Variants in PXYLP1 observed in about 807,000 individuals in gnomAD.
The protein encoded by PXYLP1 is 2-phosphoxylose phosphatase 1.
PXYLP1 carries 17 observed loss-of-function variants against 37.9 expected under a neutral mutation model. The observed-to-expected ratio is 0.45, with a 90% CI of 0.31 to 0.67. PXYLP1 has a LOEUF of 0.67. Among genes scored for constraint, PXYLP1 ranks in the 30% least tolerant of loss-of-function variants. The pLI, the probability that PXYLP1 is intolerant of heterozygous loss-of-function variation, is 0.07. For synonymous variants in PXYLP1, 221 were observed against 232.2 expected (o/e 0.95, Z 0.44); for missense variants, 511 against 612.0 (o/e 0.84, Z 1.74).
At chr3:141,266,372 G>A (rs1358400271) in intron 2 of PXYLP1, among the ~76,000 whole-genome samples, 1 of 152,188 alleles carries the variant, frequency 6.6e-6, no homozygotes, top group Non-Finnish European at 1.5e-5. Flanking sequence ...GGTGGGGAGA[G>A]TGCTGTCTTG....
At chr3:141,237,185 T>C (rs145157752) in intron 1 of PXYLP1, among the ~76,000 whole-genome samples, 1 of 152,330 alleles carries the variant, frequency 6.6e-6, no homozygotes, top group East Asian at 1.9e-4. Context: ...TGTGGTTACA[T>C]AGTTTTTTGA....
chr3:141,284,879 G>A (rs188459541), intron 4 of PXYLP1, among the ~76,000 whole-genome samples: 291 of 152,222 alleles, frequency 1.9e-3, no homozygotes, highest in Middle Eastern at 3.4e-3. Context: ...GGAACTTATC[G>A]TATTCATTTC....
intron 2 of PXYLP1, chr3:141,273,741 C>T (rs1468203272): frequency 2.2e-5 from 22 of 985,162 alleles, no homozygotes; most frequent in East Asian, 1.1e-4. Context: ...CAGAGAACAC[C>T]GCCATAAAAG....
intron 1 of PXYLP1, among the ~76,000 whole-genome samples, chr3:141,245,951 G>A (rs1940925116): frequency 6.6e-6 from 1 of 152,190 alleles, no homozygotes; most frequent in Admixed American, 6.5e-5. Context: ...AAACATCCAG[G>A]AGTCAGTGTG....
At chr3:141,232,761 G>A (rs1423888131) in intron 1 of PXYLP1, among the ~76,000 whole-genome samples, 1 of 152,250 alleles carries the variant, frequency 6.6e-6, no homozygotes, top group African/African-American at 2.4e-5. Context: ...ACCTGTGGAT[G>A]GTAAAGGATT....
At position 141,255,827 on chromosome 3, in the gene PXYLP1, G is replaced by T. The variant is rs966829023; in HGVS notation, c.-53-4296G>T. On this transcript the variant is annotated intron_variant, in intron 1 of 5. Transcript: ENST00000286353. ...GGAGCTCTGGAAAACTCAGGCTGGA[G>T]ATTGAACCACAGTGCCAGAAAGAGC... is the stretch of plus-strand genomic sequence containing the variant. Among the ~76,000 whole-genome samples the T allele has an allele frequency of 5.3e-5, 8 of 152,378 alleles. 1 individual carries two copies. In the Middle Eastern group the frequency reaches 0.017, roughly 324 times the overall value.
chr3:141,233,362 G>T (rs530371014), intron 1 of PXYLP1, among the ~76,000 whole-genome samples: 1 of 151,768 alleles, frequency 6.6e-6, no homozygotes, highest in African/African-American at 2.4e-5. Flanking sequence ...CTACTCAGGA[G>T]GCTGAGACAG....
At chr3:141,269,102 A>G (rs1941602289) in intron 2 of PXYLP1, among the ~76,000 whole-genome samples, 1 of 152,210 alleles carries the variant, frequency 6.6e-6, no homozygotes, top group Admixed American at 6.5e-5. Context: ...TGGCCTCCCC[A>G]AAGCCCCTCG....
intron 2 of PXYLP1, chr3:141,273,663 G>A: frequency 1.0e-6 from 1 of 985,406 alleles, no homozygotes; most frequent in Non-Finnish European, 1.2e-6. Context: ...TTGAGACCTT[G>A]TCGGCATCTT....
At chr3:141,257,202 T>C (rs1325156516) in intron 1 of PXYLP1, among the ~76,000 whole-genome samples, 1 of 152,226 alleles carries the variant, frequency 6.6e-6, no homozygotes, top group Non-Finnish European at 1.5e-5. Flanking sequence ...TTGCTTTGTA[T>C]CAAGCAAACT....
intron 1 of PXYLP1, chr3:141,236,367 T>TA (rs1940657889): frequency 6.6e-6 from 1 of 152,184 alleles, no homozygotes; most frequent in African/African-American, 2.4e-5. Context: ...GCATATTGAT[T>TA]AAAAAGCATA....
At chr3:141,264,690 C>T (rs367840397) in intron 2 of PXYLP1, among the ~76,000 whole-genome samples, 7 of 152,176 alleles carry the variant, frequency 4.6e-5, no homozygotes, top group African/African-American at 1.2e-4. Flanking sequence ...TCAGAAAGAA[C>T]GTGGGCTCTG....
chr3:141,278,213 C>A, intron 2 of PXYLP1, 129 bp from the exon 3 acceptor site: 1 of 1,066,432 alleles, frequency 9.4e-7, no homozygotes. Context: ...ACTTCTGCTC[C>A]ACTGAAGTGC....
In PXYLP1 at chr3:141,274,267, G is replaced by T. The variant is rs1256412071; in HGVS notation, c.80-4075G>T. The stretch of plus-strand genomic sequence containing the variant: ...AGGGCAGAGGCGGCCTGCAGCCCGG[G>T]GTCTGCTCCTCCAGGCCCCTTCCCA... On this transcript the variant is annotated intron_variant, in intron 2 of 5. Coordinates refer to ENST00000286353, the MANE Select transcript of PXYLP1 (RefSeq NM_001037172.3). 5.4e-6 allele frequency: 7 copies of T among 1,302,844 alleles called. No homozygotes were observed. The East Asian group carries it at 1.6e-4, about 31-fold the overall frequency. The allele number at this position is 1,302,844 out of a possible 1,614,324, so 80.7% of individuals were successfully genotyped here.
At chr3:141,248,175 A>C (rs560146935) in intron 1 of PXYLP1, among the ~76,000 whole-genome samples, 2 of 152,016 alleles carry the variant, frequency 1.3e-5, no homozygotes, top group Admixed American at 1.3e-4. Context: ...GGTGCCCGCC[A>C]CCAAGCCCAG....
chr3:141,287,249 A>C (rs543662196), intron 4 of PXYLP1, 65 bp from the exon 5 acceptor site: 2 of 1,567,968 alleles, frequency 1.3e-6, no homozygotes, highest in African/African-American at 2.7e-5. Context: ...GGCTCGCTGA[A>C]GCTGGAAACT....
intron 2 of PXYLP1, among the ~76,000 whole-genome samples, chr3:141,260,665 A>C (rs1364018141): frequency 1.3e-5 from 2 of 152,172 alleles, no homozygotes; most frequent in African/African-American, 4.8e-5. Flanking sequence ...AGATTAGGTC[A>C]CCAGTATCAA....
At chr3:141,260,577 G>GGGTGTCTGC (rs1941370901) in intron 2 of PXYLP1, among the ~76,000 whole-genome samples, 1 of 152,210 alleles carries the variant, frequency 6.6e-6, no homozygotes, top group African/African-American at 2.4e-5. Context: ...TTAGCCCTTT[G>GGGTGTCTGC]ATTGGGTCCT....
At position 141,275,294 on chromosome 3, in the gene PXYLP1, A is replaced by G. The variant is rs375111544; in HGVS notation, c.80-3048A>G. Among the ~76,000 whole-genome samples the G allele has an allele frequency of 1.8e-4, 27 of 152,324 alleles. 2 individuals carry two copies. The highest frequency in any genetic ancestry group is 6.3e-4 in the African/African-American group (26 of 41,566). On this transcript the variant is annotated intron_variant, in intron 2 of 5. Coordinates refer to ENST00000286353, the MANE Select transcript of PXYLP1 (RefSeq NM_001037172.3). ...GGTGGGTCATTTGCACCCAACCACC[A>G]TGGTTCCCAAATGGCAGCCACAACA...
Sources: gnomAD v4.1 joint callset for allele counts (sites outside exome capture counted in the v4.1 genomes callset) on GRCh38, gnomAD v4.1.1 for gene constraint, MANE v1.5 for transcripts, NCBI Gene and HGNC (gene_info 2026-07-23, HGNC 2026-07-21) for gene names.